The following SLC39A8 variants were observed in gnomAD, a reference collection of about 807,000 sequenced individuals.
SLC39A8 encodes metal cation symporter ZIP8.
In SLC39A8, 15 loss-of-function variants were observed where a neutral mutation model predicts 40.4. That is an observed-to-expected ratio of 0.37 (90% CI 0.25 to 0.57). The LOEUF (loss-of-function observed/expected upper bound fraction) is 0.57, where lower values mean the gene tolerates loss of function less well. Among genes scored for constraint, SLC39A8 ranks in the 20% least tolerant of loss-of-function variants. The pLI is 0.75. For synonymous variants in SLC39A8, 223 were observed against 221.6 expected (o/e 1.01, Z -0.06); for missense variants, 472 against 558.8 (o/e 0.84, Z 1.57).
At chr4:102,316,148 G>T (rs867836760) in intron 2 of SLC39A8, among the ~76,000 whole-genome samples, 1 of 152,036 alleles carries the variant, frequency 6.6e-6, no homozygotes, top group Admixed American at 6.6e-5. Flanking sequence ...CAAACAAAGG[G>T]TTTTAAAACA....
chr4:102,322,508 T>C (rs1320199236), intron 2 of SLC39A8, among the ~76,000 whole-genome samples: 1 of 152,194 alleles, frequency 6.6e-6, no homozygotes, highest in Non-Finnish European at 1.5e-5. Flanking sequence ...GATAAGCCTT[T>C]CCACTCTTTA....
intron 2 of SLC39A8, among the ~76,000 whole-genome samples, chr4:102,325,588 G>C (rs540842149): frequency 6.6e-6 from 1 of 152,288 alleles, no homozygotes; most frequent in South Asian, 2.1e-4. Flanking sequence ...ACAATATATA[G>C]AGAATGCTGC....
At position 102,344,466 on chromosome 4, in the gene SLC39A8, G is replaced by A. The variant is rs1286221055; in HGVS notation, c.197C>T (p.Pro66Leu). 5.2e-6 allele frequency: 8 copies of A among 1,544,308 alleles called. No individual in the cohort carries two copies. In the African/African-American group the frequency reaches 6.9e-5, roughly 13 times the overall value. The part of the protein sequence containing the change: ...GAASRVGVPE[P>L]GQLHFNQCLT... The stretch of plus-strand genomic sequence containing the variant: ...TACCTGGTTGAAGTGCAGCTGGCCA[G>A]GCTCCGGGACGCCCACGCGGGAGGC... The change falls in exon 2 of 9, where the codon CCT becomes CTT. Residue 66 changes from proline to leucine, a missense_variant. Physicochemically the swap from Pro to Leu is moderately conservative, Grantham distance 98 (BLOSUM62 -3). Around this residue, in one of 4 missense-constraint regions of SLC39A8, gnomAD observed 175 missense variants for 160.5 expected, o/e 1.09. Transcript: ENST00000356736.
chr4:102,336,003 A>C (rs1188815215), intron 2 of SLC39A8, among the ~76,000 whole-genome samples: 3 of 152,230 alleles, frequency 2.0e-5, no homozygotes, highest in Non-Finnish European at 4.4e-5. Context: ...ACATACTATT[A>C]TGATGATAAT....
rs529762967 is a variant in SLC39A8, at chr4:102,269,853, C to T, written c.841-1774G>A. The T allele has an allele frequency of 1.4e-4, 21 of 152,248 alleles. 1 individual carries two copies. The highest frequency in any genetic ancestry group is 1.0e-3 in the South Asian group (5 of 4,826). The allele number at this position is 152,248 out of a possible 1,614,324, so 9.4% of individuals were successfully genotyped here. A position where few individuals can be genotyped will look rare whatever the true frequency, so the allele number is the denominator to read the frequency against. On this transcript the variant is annotated intron_variant, in intron 6 of 8. Coordinates refer to ENST00000356736, the MANE Select transcript of SLC39A8 (RefSeq NM_001135146.2). ...TTTATTTTAAGAAACAAAGCTTATC[C>T]GCATAAAAAATTCTATCTTTTCTTA... is the stretch of plus-strand genomic sequence containing the variant.
intron 6 of SLC39A8, among the ~76,000 whole-genome samples, 154 bp downstream of exon 6, chr4:102,304,160 GAAA>G (rs763796095): frequency 2.7e-4 from 41 of 151,848 alleles, no homozygotes; most frequent in Non-Finnish European, 4.4e-4. Context: ...AGGGAAGGTG[GAAA>G]AACAATGCAG....
At chr4:102,279,202 T>C (rs1001567409) in intron 6 of SLC39A8, among the ~76,000 whole-genome samples, 1 of 152,060 alleles carries the variant, frequency 6.6e-6, no homozygotes, top group African/African-American at 2.4e-5. Context: ...CTTGATGAGT[T>C]TGATGGCCCT....
intron 11 of SLC39A8, among the ~76,000 whole-genome samples, chr4:102,256,544 A>T (rs1278384341): frequency 2.6e-5 from 4 of 152,216 alleles, no homozygotes; most frequent in Admixed American, 6.5e-5. Flanking sequence ...AACATCCTAG[A>T]TATTTTTCTC....
At chr4:102,297,597 C>T (rs182514584) in intron 6 of SLC39A8, among the ~76,000 whole-genome samples, 43 of 151,866 alleles carry the variant, frequency 2.8e-4, no homozygotes, top group African/African-American at 9.9e-4. Flanking sequence ...TTTGTAGACA[C>T]GGGAAAAGGA....
chr4:102,265,858 T>G (rs1042438784), intron 8 of SLC39A8, among the ~76,000 whole-genome samples: 1 of 152,212 alleles, frequency 6.6e-6, no homozygotes, highest in Non-Finnish European at 1.5e-5. Flanking sequence ...CTGCTCTCTA[T>G]GCTTCACCCA....
chr4:102,308,904 A>G (rs1560552974), intron 3 of SLC39A8, among the ~76,000 whole-genome samples: 1 of 152,070 alleles, frequency 6.6e-6, no homozygotes, highest in Non-Finnish European at 1.5e-5. Flanking sequence ...GGGGAAACCA[A>G]AGCAGATGGA....
intron 3 of SLC39A8, among the ~76,000 whole-genome samples, chr4:102,311,083 G>A (rs1169861500): frequency 2.0e-5 from 3 of 152,036 alleles, no homozygotes; most frequent in African/African-American, 7.2e-5. Context: ...CCATTTAACT[G>A]TGAAACTGTA....
At chr4:102,283,201 A>G (rs233821) in intron 6 of SLC39A8, among the ~76,000 whole-genome samples, 49,630 of 152,124 alleles carry the variant, frequency 0.33, 8,571 homozygotes, top group South Asian at 0.47. Flanking sequence ...TGCCTGTGAT[A>G]AGTACATCAT....
intron 3 of SLC39A8, among the ~76,000 whole-genome samples, chr4:102,308,976 G>A (rs1236377140): frequency 6.6e-6 from 1 of 151,996 alleles, no homozygotes; most frequent in African/African-American, 2.4e-5. Flanking sequence ...GGACAGTCTG[G>A]CTCCCAGGCC....
At chr4:102,311,742 G>A (rs754003747) in intron 3 of SLC39A8, among the ~76,000 whole-genome samples, 1 of 151,934 alleles carries the variant, frequency 6.6e-6, no homozygotes, top group Non-Finnish European at 1.5e-5. Flanking sequence ...AAAATAAAAT[G>A]TGAGGCCTCT....
intron 3 of SLC39A8, among the ~76,000 whole-genome samples, chr4:102,307,841 TTAA>T (rs1167512140): frequency 1.3e-5 from 2 of 152,050 alleles, no homozygotes; most frequent in African/African-American, 4.8e-5. Flanking sequence ...CATTATGGGA[TTAA>T]TGAGTTTTAC....
At position 102,267,625 on chromosome 4, in the gene SLC39A8, C is replaced by G. The variant is rs140371166; in HGVS notation, c.1098G>C (p.Leu366Phe). ...LNAGMSTRQA[L>F]LFNFLSACSC... ...AACATGCAGAAAGGAAGTTGAATAG[C>G]AAGGCTTGTCGAGTGCTCATCCCTG... The change falls in exon 8 of 9, where the codon TTG becomes TTC. Residue 366 changes from leucine (L) to phenylalanine (F), a missense_variant. By Grantham distance (22) the Leu-to-Phe change is conservative (BLOSUM62 0). This residue lies in a region of SLC39A8 where 239 missense variants were observed against 317.9 expected (regional missense o/e 0.75). Coordinates refer to ENST00000356736, the MANE Select transcript of SLC39A8 (RefSeq NM_001135146.2). 6 of 1,613,426 alleles carry G rather than the reference C, an allele frequency of 3.7e-6. No homozygotes were observed. The African/African-American group carries it at 8.0e-5, about 22-fold the overall frequency.
chr4:102,257,659 G>A (rs1731738236), downstream of SLC39A8, among the ~76,000 whole-genome samples: 1 of 152,144 alleles, frequency 6.6e-6, no homozygotes, highest in Non-Finnish European at 1.5e-5. Context: ...GGTGGAGAGT[G>A]GATCCCCATC....
intron 2 of SLC39A8, among the ~76,000 whole-genome samples, chr4:102,319,402 C>T (rs950972886): frequency 2.0e-5 from 3 of 152,168 alleles, no homozygotes; most frequent in Non-Finnish European, 2.9e-5. Flanking sequence ...TGCAGTCAGG[C>T]TCCTCTGAGC....
Sources: allele counts gnomAD v4.1 joint callset (sites outside exome capture counted in the v4.1 genomes callset), GRCh38; gene constraint gnomAD v4.1.1; regional missense constraint gnomAD v4.1.1; transcripts MANE v1.5; gene names NCBI Gene and HGNC (gene_info 2026-07-23, HGNC 2026-07-21).